The following PFDN1 variants were observed in gnomAD, a reference collection of about 807,000 sequenced individuals.
The protein encoded by PFDN1 is prefoldin 1.
PFDN1 carries 6 observed loss-of-function variants against 17.3 expected under a neutral mutation model. The ratio of observed to expected loss-of-function variants is 0.35; its 90% CI spans 0.19 to 0.69. The LOEUF is 0.69. PFDN1 is among the 30% of genes least tolerant of loss of function. The pLI is 0.65. For missense variants in PFDN1, 113 were observed against 146.2 expected, an observed-to-expected ratio of 0.77 and a Z score of 1.17; for synonymous variants, 58 against 50.1, an observed-to-expected ratio of 1.16 and a Z score of -0.67.
At chr5:140,258,010 T>C (rs982637632) in intron 3 of PFDN1, among the ~76,000 whole-genome samples, 17 of 151,716 alleles carry the variant, frequency 1.1e-4, no homozygotes, top group African/African-American at 3.9e-4. Flanking sequence ...GTCCGGCAAG[T>C]TGGGAGAACT....
intron 3 of PFDN1, 107 bp downstream of exon 3, chr5:140,281,342 T>C (rs1561510475): frequency 1.6e-6 from 1 of 626,874 alleles, no homozygotes; most frequent in Non-Finnish European, 2.8e-6. Context: ...AAAATAAAAA[T>C]AATATGACAT....
intron 2 of PFDN1, among the ~76,000 whole-genome samples, chr5:140,297,499 G>A (rs1052056064): frequency 6.6e-6 from 1 of 152,136 alleles, no homozygotes; most frequent in Non-Finnish European, 1.5e-5. Flanking sequence ...CTACAATACA[G>A]GGTCAAACTC....
chr5:140,253,372 G>A (rs951646367), intron 3 of PFDN1, among the ~76,000 whole-genome samples: 14 of 152,044 alleles, frequency 9.2e-5, no homozygotes, highest in African/African-American at 2.4e-4. Context: ...CTGCCAAGAC[G>A]AACCCGAACC....
At chr5:140,259,826 C>T (rs1327759279) in intron 3 of PFDN1, among the ~76,000 whole-genome samples, 3 of 152,188 alleles carry the variant, frequency 2.0e-5, no homozygotes, top group Non-Finnish European at 4.4e-5. Context: ...CCAAGCAATT[C>T]CTATTTTCTT....
chr5:140,279,151 G>C (rs1281208290), intron 3 of PFDN1, among the ~76,000 whole-genome samples: 1 of 152,172 alleles, frequency 6.6e-6, no homozygotes, highest in Non-Finnish European at 1.5e-5. Flanking sequence ...ATGCATGTAT[G>C]AATGTCTTGA....
rs1765258122 is a variant in PFDN1 at position 140,274,431 on chromosome 5, AT to A, written c.285+7017del. Among the ~76,000 whole-genome samples the A allele has an allele frequency of 4.6e-5, 7 of 152,326 alleles. No homozygotes were observed. The South Asian group carries it at 1.4e-3, about 32-fold the overall frequency. On this transcript the variant is annotated intron_variant, in intron 3 of 3. Transcript: ENST00000261813. ...CACTCAGTACCTTCTTTAGAAAGTT[AT>A]TATCAGTATTTTTTAAAAATAGAAA...
chr5:140,289,740 C>T (rs1464546372), intron 2 of PFDN1, among the ~76,000 whole-genome samples: 1 of 152,098 alleles, frequency 6.6e-6, no homozygotes, highest in Non-Finnish European at 1.5e-5. Context: ...TCAACATGGC[C>T]CAAATTAAAC....
chr5:140,301,131 G>C (rs1229235823), intron 1 of PFDN1, among the ~76,000 whole-genome samples: 1 of 152,148 alleles, frequency 6.6e-6, no homozygotes, highest in African/African-American at 2.4e-5. Context: ...GATAAAAGTG[G>C]CTTGCACAAG....
At chr5:140,259,146 A>G (rs1352068211) in intron 3 of PFDN1, among the ~76,000 whole-genome samples, 1 of 152,222 alleles carries the variant, frequency 6.6e-6, no homozygotes, top group Non-Finnish European at 1.5e-5. Context: ...GAGTGACAAC[A>G]CGTCAGAAAT....
intron 3 of PFDN1, among the ~76,000 whole-genome samples, chr5:140,279,712 A>C (rs2126691849): frequency 6.6e-6 from 1 of 152,226 alleles, no homozygotes; most frequent in East Asian, 1.9e-4. Context: ...TTGTAAGAAA[A>C]AAATCAAGGC....
At chr5:140,289,938 T>C (rs1765555113) in intron 2 of PFDN1, among the ~76,000 whole-genome samples, 1 of 152,168 alleles carries the variant, frequency 6.6e-6, no homozygotes, top group South Asian at 2.1e-4. Context: ...TTTATGCTCT[T>C]ATTACTAACC....
intron 3 of PFDN1, among the ~76,000 whole-genome samples, chr5:140,253,608 G>A (rs754257802): frequency 6.6e-6 from 1 of 152,090 alleles, no homozygotes; most frequent in Non-Finnish European, 1.5e-5. Flanking sequence ...AGCCAGGAGC[G>A]GCAACTGTCC....
At chr5:140,277,938 G>A (rs2126690539) in intron 3 of PFDN1, among the ~76,000 whole-genome samples, 1 of 152,148 alleles carries the variant, frequency 6.6e-6, no homozygotes, top group East Asian at 1.9e-4. Context: ...GTCAGGTGCT[G>A]TGGCTCACAC....
At chr5:140,287,643 A>G (rs1201129380) in intron 2 of PFDN1, among the ~76,000 whole-genome samples, 1 of 152,206 alleles carries the variant, frequency 6.6e-6, no homozygotes, top group African/African-American at 2.4e-5. Flanking sequence ...CAAAAAGCTA[A>G]AGAAAAGACA....
chr5:140,262,137 T>A (rs1038776808), intron 3 of PFDN1, among the ~76,000 whole-genome samples: 21 of 152,202 alleles, frequency 1.4e-4, no homozygotes, highest in African/African-American at 4.6e-4. Flanking sequence ...AAAGGGTGGT[T>A]TTCCTTTTGC....
At chr5:140,300,316 A>T in intron 2 of PFDN1, 100 bp downstream of exon 2, 1 of 844,652 alleles carries the variant, frequency 1.2e-6, no homozygotes, top group Non-Finnish European at 1.9e-6. Flanking sequence ...GGCATGAGCC[A>T]CCACTCCTGG....
At chr5:140,258,357 G>A (rs1233954507) in intron 3 of PFDN1, among the ~76,000 whole-genome samples, 1 of 150,250 alleles carries the variant, frequency 6.7e-6, no homozygotes, top group Non-Finnish European at 1.5e-5. Context: ...AAACCCCCCT[G>A]AGCAGTTGCC....
intron 3 of PFDN1, among the ~76,000 whole-genome samples, chr5:140,246,447 G>A (rs1290817819): frequency 6.6e-6 from 1 of 152,242 alleles, no homozygotes; most frequent in African/African-American, 2.4e-5. Context: ...GTTTTCCATG[G>A]CCTGGGCCAG....
At chr5:140,258,440 T>TAAA (rs562501324) in intron 3 of PFDN1, among the ~76,000 whole-genome samples, 2 of 120,948 alleles carry the variant, frequency 1.7e-5, no homozygotes, top group African/African-American at 3.2e-5. Flanking sequence ...GCTGTACTGT[T>TAAA]AAAAAAAAAA....
Sources: gnomAD v4.1 joint callset for allele counts (sites outside exome capture counted in the v4.1 genomes callset) on GRCh38, gnomAD v4.1.1 for gene constraint, MANE v1.5 for transcripts, NCBI Gene and HGNC (gene_info 2026-07-23, HGNC 2026-07-21) for gene names.